The following NDST4 variants were observed in gnomAD, a reference collection of about 807,000 sequenced individuals.
The protein encoded by NDST4 is N-deacetylase and N-sulfotransferase 4.
NDST4 carries 63 observed loss-of-function variants against 100.8 expected under a neutral mutation model. The ratio of observed to expected loss-of-function variants is 0.62; its 90% CI spans 0.51 to 0.77. The LOEUF is 0.77. Ranked by LOEUF, NDST4 falls within the 30% of genes least tolerant of loss-of-function variation. The probability of loss-of-function intolerance (pLI) is 0.00; values close to 1 mark genes in which losing one functional copy is unlikely to be tolerated. For missense variants in NDST4, 943 were observed against 1,018.4 expected, an observed-to-expected ratio of 0.93 and a Z score of 1.01; for synonymous variants, 377 against 361.8, an observed-to-expected ratio of 1.04 and a Z score of -0.48.
chr4:114,987,713 T>C (rs1726943949), intron 2 of NDST4, among the ~76,000 whole-genome samples: 2 of 152,196 alleles, frequency 1.3e-5, no homozygotes, highest in African/African-American at 4.8e-5. Flanking sequence ...CAACCCACAT[T>C]AACATACTGA....
chr4:114,866,032 T>A (rs1312882868), intron 7 of NDST4, among the ~76,000 whole-genome samples: 1 of 152,208 alleles, frequency 6.6e-6, no homozygotes, highest in East Asian at 1.9e-4. Flanking sequence ...ATGAAATCTG[T>A]CCTCTCTCAT....
At chr4:115,063,697 T>C (rs1434759768) in intron 2 of NDST4, among the ~76,000 whole-genome samples, 1 of 151,874 alleles carries the variant, frequency 6.6e-6, no homozygotes, top group African/African-American at 2.4e-5. Context: ...TGACAAAGCA[T>C]AGAAAACCAA....
intron 2 of NDST4, among the ~76,000 whole-genome samples, chr4:115,032,000 G>T (rs531549102): frequency 3.9e-5 from 6 of 152,164 alleles, no homozygotes; most frequent in Middle Eastern, 3.4e-3. Flanking sequence ...ACAGAAAGCA[G>T]AATCAAGACC....
Position 114,857,049 on chromosome 4 carries a change from T to A in NDST4, c.1720-4228A>T, listed in dbSNP as rs564056770. Among the ~76,000 whole-genome samples, 138 of 152,306 alleles carry A rather than the reference T, an allele frequency of 9.1e-4. 4 individuals carry two copies. The South Asian group carries it at 0.027, about 30-fold the overall frequency. ...GGGTAGGCAGTAGGTAAGGCTGAAGTACAAGCCACCCTCACACTTGGGCTT... is the reference window on the plus strand; with the variant it reads ...GGGTAGGCAGTAGGTAAGGCTGAAGAACAAGCCACCCTCACACTTGGGCTT... On this transcript the variant is annotated intron_variant, in intron 7 of 13. Transcript: ENST00000264363.
intron 1 of NDST4, among the ~76,000 whole-genome samples, chr4:115,095,861 G>A (rs968270911): frequency 6.6e-6 from 1 of 151,922 alleles, no homozygotes; most frequent in Non-Finnish European, 1.5e-5. Flanking sequence ...TTGTATAACA[G>A]TAAGCAATTA....
At chr4:114,871,039 C>T in intron 6 of NDST4, 89 bp from the exon 7 acceptor site, 1 of 839,868 alleles carries the variant, frequency 1.2e-6, no homozygotes. Context: ...CTCACCTCAC[C>T]TTGGAATTTC....
At chr4:114,984,705 T>C (rs1057314072) in intron 2 of NDST4, among the ~76,000 whole-genome samples, 4 of 152,138 alleles carry the variant, frequency 2.6e-5, no homozygotes, top group Admixed American at 2.0e-4. Context: ...AAGACCAAAA[T>C]TGACCATGCC....
At chr4:114,898,813 A>G (rs1407137426) in intron 6 of NDST4, among the ~76,000 whole-genome samples, 1 of 151,954 alleles carries the variant, frequency 6.6e-6, no homozygotes, top group Non-Finnish European at 1.5e-5. Context: ...ATTTTTTTTC[A>G]AATTCCATTT....
At chr4:114,864,685 G>A in intron 7 of NDST4, among the ~76,000 whole-genome samples, 1 of 152,094 alleles carries the variant, frequency 6.6e-6, no homozygotes. Context: ...CAACTTCTTG[G>A]GAAAGTGTTC....
chr4:114,867,253 A>T (rs1724046847), intron 7 of NDST4, among the ~76,000 whole-genome samples: 1 of 152,144 alleles, frequency 6.6e-6, no homozygotes, highest in Non-Finnish European at 1.5e-5. Flanking sequence ...TGTGTATGCC[A>T]CTAGATCTTA....
At chr4:114,963,062 T>A (rs1003365236) in intron 4 of NDST4, among the ~76,000 whole-genome samples, 2 of 152,014 alleles carry the variant, frequency 1.3e-5, no homozygotes, top group Non-Finnish European at 2.9e-5. Context: ...GGGTAGATAC[T>A]AAAGAGAAAT....
At chr4:115,045,292 T>C (rs1451202026) in intron 2 of NDST4, among the ~76,000 whole-genome samples, 1 of 152,058 alleles carries the variant, frequency 6.6e-6, no homozygotes, top group Non-Finnish European at 1.5e-5. Context: ...TTATATAGGT[T>C]TTAAGTTCAA....
intron 6 of NDST4, among the ~76,000 whole-genome samples, chr4:114,909,268 A>G (rs1026799868): frequency 6.6e-6 from 1 of 152,192 alleles, no homozygotes; most frequent in Non-Finnish European, 1.5e-5. Flanking sequence ...GATAAAGCAT[A>G]TTGAGGATGT....
At chr4:114,861,960 T>C (rs556758301) in intron 7 of NDST4, among the ~76,000 whole-genome samples, 54 of 152,286 alleles carry the variant, frequency 3.5e-4, no homozygotes, top group African/African-American at 1.3e-3. Context: ...TTATTTTCTT[T>C]GTGTGTATGT....
At chr4:114,956,250 C>T (rs1367250594) in intron 4 of NDST4, among the ~76,000 whole-genome samples, 1 of 152,124 alleles carries the variant, frequency 6.6e-6, no homozygotes, top group African/African-American at 2.4e-5. Context: ...TTACCTTTAT[C>T]TCTGAGCAGT....
At chr4:115,029,802 T>C (rs751365150) in intron 2 of NDST4, among the ~76,000 whole-genome samples, 34 of 152,028 alleles carry the variant, frequency 2.2e-4, no homozygotes, top group Non-Finnish European at 4.3e-4. Context: ...ATAGAGAAAA[T>C]AGTGTTCCTA....
At chr4:114,975,661 T>G (rs756594800) in intron 3 of NDST4, among the ~76,000 whole-genome samples, 1 of 152,110 alleles carries the variant, frequency 6.6e-6, no homozygotes, top group African/African-American at 2.4e-5. Flanking sequence ...AAATAAAAAC[T>G]GAGGCAGTTA....
chr4:114,869,654 C>A (rs967496726), intron 7 of NDST4, among the ~76,000 whole-genome samples: 1 of 152,056 alleles, frequency 6.6e-6, no homozygotes, highest in Non-Finnish European at 1.5e-5. Flanking sequence ...AGTGTAAACA[C>A]AAACGGTAAA....
intron 2 of NDST4, among the ~76,000 whole-genome samples, chr4:115,066,027 C>T (rs1728938329): frequency 6.6e-6 from 1 of 152,110 alleles, no homozygotes; most frequent in South Asian, 2.1e-4. Flanking sequence ...CTCCTGGTTC[C>T]TAGAGGAATA....
Sources: gnomAD v4.1 joint callset for allele counts (sites outside exome capture counted in the v4.1 genomes callset) on GRCh38, gnomAD v4.1.1 for gene constraint, MANE v1.5 for transcripts, NCBI Gene and HGNC (gene_info 2026-07-23, HGNC 2026-07-21) for gene names.